Variants in SCLY observed in about 807,000 individuals in gnomAD.
SCLY encodes the protein selenocysteine lyase.
Under a neutral mutation model 50.1 loss-of-function variants are expected in SCLY, and 38 were observed. The observed-to-expected ratio is 0.76, with a 90% CI of 0.59 to 0.99. The LOEUF (loss-of-function observed/expected upper bound fraction) is 0.99, where lower values mean the gene tolerates loss of function less well. SCLY is among the 50% of genes least tolerant of loss of function. The pLI, the probability that SCLY is intolerant of heterozygous loss-of-function variation, is 0.00. For synonymous variants in SCLY, 243 were observed against 249.4 expected, an observed-to-expected ratio of 0.97 and a Z score of 0.24; for missense variants, 600 against 620.0, an observed-to-expected ratio of 0.97 and a Z score of 0.34.
chr2:238,091,542 AG>A, intron 8 of SCLY: 62 of 361,482 alleles, frequency 1.7e-4, no homozygotes, highest in Middle Eastern at 8.2e-4. Flanking sequence ...GTCAAGCTGC[AG>A]GTTCACCATT....
At chr2:238,070,786 T>TA (rs1335688844) in intron 4 of SCLY, among the ~76,000 whole-genome samples, 1 of 152,104 alleles carries the variant, frequency 6.6e-6, no homozygotes, top group African/African-American at 2.4e-5. Flanking sequence ...TTTTGCCACT[T>TA]AAAAAAATCT....
rs1273353376 is a variant in SCLY, at chr2:238,096,814, T to C, written c.1122T>C (p.Leu374=). 1 of 1,611,162 alleles carries C rather than the reference T, an allele frequency of 6.2e-7. No individual in the cohort carries two copies. Among genetic ancestry groups the C allele is most frequent in the Non-Finnish European group, 8.5e-7 (1 of 1,179,148 alleles). Residue 374 remains leucine (L), a synonymous_variant, in exon 11 of 12, where the codon CTT becomes CTC. Transcript: ENST00000254663. ...RGPRLQGHVV[L]AQCRVLMASV... ...CTGTCTCCGCAGGCCACGTGGTGCT[T>C]GCGCAGTGCCGAGTGCTGATGGCCA...
At chr2:238,091,555 C>CTG in intron 8 of SCLY, 1 of 347,458 alleles carries the variant, frequency 2.9e-6, no homozygotes, top group Non-Finnish European at 5.4e-6. Context: ...TTCACCATTC[C>CTG]CAAAGGCGTC....
intron 4 of SCLY, among the ~76,000 whole-genome samples, chr2:238,071,510 AAGG>A (rs1424346290): frequency 4.6e-5 from 7 of 152,104 alleles, no homozygotes; most frequent in African/African-American, 7.2e-5. Flanking sequence ...TCGGGAGGCT[AAGG>A]AGGAGAAGAA....
intron 10 of SCLY, among the ~76,000 whole-genome samples, chr2:238,095,340 C>G (rs182840699): frequency 6.6e-6 from 1 of 152,194 alleles, no homozygotes; most frequent in Non-Finnish European, 1.5e-5. Flanking sequence ...TGCCCTGACT[C>G]CCTGAGAGTG....
rs777845450 is a variant in SCLY, at chr2:238,064,454, A to C, written c.187A>C (p.Ser63Arg). ...GTGGGAAGCCTGGGGAAATCCCAGC[A>C]GCCCGTATTCAGCAGGTAATTCTAG... ...AMWEAWGNPS[S>R]PYSAGRKAKD... Residue 63 changes from serine (S) to arginine (R), a missense_variant, in exon 2 of 12, where the codon AGC becomes CGC. Physicochemically the swap from Ser to Arg is moderately radical, Grantham distance 110. Coordinates refer to ENST00000254663, the MANE Select transcript of SCLY (RefSeq NM_016510.7). 4 of 1,608,288 alleles carry C rather than the reference A, an allele frequency of 2.5e-6. No homozygotes were observed. The highest frequency in any genetic ancestry group is 3.4e-6 in the Non-Finnish European group (4 of 1,177,544).
chr2:238,095,832 C>T (rs57989382), intron 10 of SCLY: 49,348 of 152,082 alleles, frequency 0.32, 10,016 homozygotes, highest in Admixed American at 0.44. Flanking sequence ...CCTTGACCTT[C>T]TGGGTTCAAG....
intron 8 of SCLY, chr2:238,091,521 A>ACC: frequency 2.3e-6 from 1 of 437,212 alleles, no homozygotes; most frequent in Non-Finnish European, 4.2e-6. Flanking sequence ...CTGTTACAGC[A>ACC]GAGGTGAAGT....
rs2065262939 is a variant in SCLY, at chr2:238,083,937, A to T, written c.884+583A>T. 6.6e-6 allele frequency among the ~76,000 whole-genome samples: 1 copy of T among 152,260 alleles called. No individual in the cohort carries two copies. Among genetic ancestry groups the T allele is most frequent in the East Asian group, 1.9e-4 (1 of 5,204 alleles). ...ACCTGATATGCTAGTAAGGGCAGAC[A>T]CAAAAATGCCCCAACCAAAGCCTGT... On this transcript the variant is annotated intron_variant, in intron 7 of 11. Coordinates refer to ENST00000254663, the MANE Select transcript of SCLY (RefSeq NM_016510.7). This position sits in a 1 kb window ranked among gnomAD's most constrained non-coding sequence, Gnocchi z 4.3.
chr2:238,065,274 T>C (rs570987527), intron 2 of SCLY, among the ~76,000 whole-genome samples: 2 of 152,274 alleles, frequency 1.3e-5, no homozygotes, highest in Admixed American at 6.5e-5. Context: ...ATTAACTTAT[T>C]TGTTGGCTTA....
At chr2:238,088,837 TTTACTCCTG>T (rs1185435145) in intron 7 of SCLY, among the ~76,000 whole-genome samples, 1 of 152,220 alleles carries the variant, frequency 6.6e-6, no homozygotes, top group Non-Finnish European at 1.5e-5. Context: ...GCCTGAATGT[TTTACTCCTG>T]TGGCTGGGGG....
intron 4 of SCLY, among the ~76,000 whole-genome samples, chr2:238,078,229 C>T (rs866756991): frequency 2.6e-5 from 4 of 152,288 alleles, no homozygotes; most frequent in Admixed American, 1.3e-4. Flanking sequence ...GCTAGGATTA[C>T]AGGCTTGAGC....
At chr2:238,074,994 T>G (rs1472889686) in intron 4 of SCLY, among the ~76,000 whole-genome samples, 1 of 152,256 alleles carries the variant, frequency 6.6e-6, no homozygotes, top group Non-Finnish European at 1.5e-5. Flanking sequence ...TGCTAGTGAT[T>G]GTAAGGGAAG....
intron 7 of SCLY, among the ~76,000 whole-genome samples, chr2:238,090,785 C>G (rs545190109): frequency 6.6e-5 from 10 of 151,920 alleles, no homozygotes; most frequent in Admixed American, 6.5e-4. Flanking sequence ...CACACCCACA[C>G]GCGCTTGCAC....
At chr2:238,072,100 T>C (rs2065133830) in intron 4 of SCLY, among the ~76,000 whole-genome samples, 1 of 152,220 alleles carries the variant, frequency 6.6e-6, no homozygotes, top group South Asian at 2.1e-4. Flanking sequence ...ACTTTCTGTC[T>C]CTACAGATTT....
Position 238,098,000 on chromosome 2 carries a change from G to A in SCLY, c.1185-202G>A, listed in dbSNP as rs533640222. Among the ~76,000 whole-genome samples, 15 of 152,260 alleles carry A rather than the reference G, an allele frequency of 9.9e-5. 1 individual carries two copies. The South Asian group carries it at 3.1e-3, about 32-fold the overall frequency. On this transcript the variant is annotated intron_variant, in intron 11 of 11. Coordinates refer to ENST00000254663, the MANE Select transcript of SCLY (RefSeq NM_016510.7). ...CAAGAGAACTCTGCAGGGAGAACGG[G>A]GGCGACTTTGAGCCACACCTTGATG...
At chr2:238,065,650 A>T (rs1201322356) in intron 2 of SCLY, among the ~76,000 whole-genome samples, 2 of 98,052 alleles carry the variant, frequency 2.0e-5, no homozygotes, top group Non-Finnish European at 2.2e-5. Context: ...TTAAACTAAT[A>T]ATATTTTATT....
chr2:238,091,810 G>A (rs2065365444), intron 8 of SCLY: 2 of 159,050 alleles, frequency 1.3e-5, no homozygotes, highest in African/African-American at 2.4e-5. Flanking sequence ...AGCTACATTG[G>A]TTCCCCCATG....
At chr2:238,091,545 TTCACC>T in intron 8 of SCLY, 17 of 344,144 alleles carry the variant, frequency 4.9e-5, no homozygotes, top group South Asian at 7.8e-5. Flanking sequence ...AAGCTGCAGG[TTCACC>T]ATTCCCAAAG....
Sources: allele counts gnomAD v4.1 joint callset (sites outside exome capture counted in the v4.1 genomes callset), GRCh38; gene constraint gnomAD v4.1.1; non-coding constraint Gnocchi (gnomAD v3.1); transcripts MANE v1.5; gene names NCBI Gene and HGNC (gene_info 2026-07-23, HGNC 2026-07-21).